Variants in DMD observed in about 807,000 individuals in gnomAD.
DMD encodes the protein dystrophin, also known as mutant dystrophin.
Under a neutral mutation model 330.1 loss-of-function variants are expected in DMD, and 63 were observed. The ratio of observed to expected loss-of-function variants is 0.19; its 90% confidence interval spans 0.16 to 0.24. DMD has a LOEUF of 0.24. DMD is among the 10% of genes least tolerant of loss of function. The pLI, the probability that DMD is intolerant of heterozygous loss-of-function variation, is 1.00. For missense variants in DMD, 3,344 were observed against 2,684.1 expected, an observed-to-expected ratio of 1.25 and a Z score of -5.43; for synonymous variants, 1,223 against 959.8, an observed-to-expected ratio of 1.27 and a Z score of -5.07.
rs376995618 is a variant in DMD at position 31,676,465 on chromosome X, T to C, written c.7872+2910A>G. Among the ~76,000 whole-genome samples, 4 of 112,542 alleles carry C rather than the reference T, an allele frequency of 3.6e-5. No homozygotes were observed. The East Asian group carries it at 1.1e-3, about 31-fold the overall frequency. ...TCAAAGAATATAATATGAAATTTTTTTTCGCAGTATACTATTTCATTGCTT... is the reference window on the plus strand; with the variant it reads ...TCAAAGAATATAATATGAAATTTTTCTTCGCAGTATACTATTTCATTGCTT... On this transcript the variant is annotated intron_variant, in intron 53 of 78. Coordinates refer to ENST00000357033, the MANE Select transcript of DMD (RefSeq NM_004006.3).
At chrX:31,167,400 CA>C (rs2039530339) in intron 74 of DMD, among the ~76,000 whole-genome samples, 1 of 111,960 alleles carries the variant, frequency 8.9e-6, no homozygotes, top group Non-Finnish European at 1.9e-5. Context: ...TCTTTACAAA[CA>C]TTCTTTGACC....
chrX:32,427,279 G>C (rs113936862), intron 29 of DMD, among the ~76,000 whole-genome samples: 10,658 of 110,924 alleles, frequency 0.096, 477 homozygotes, highest in Non-Finnish European at 0.13. Context: ...GATAGGAGCT[G>C]TCATCTGAGT....
rs2098395805 is a variant in DMD, at chrX:32,464,812, T to G, written c.3163-113A>C. On this transcript the variant is annotated intron_variant, in intron 23 of 78. Transcript: ENST00000357033. ...AAAAACAATTCCCATGTTTAAAGGATGTCTCTAAGTAGTTCTTGAGGCAAA... is the reference window on the plus strand; with the variant it reads ...AAAAACAATTCCCATGTTTAAAGGAGGTCTCTAAGTAGTTCTTGAGGCAAA... 10 of 564,708 alleles carry G rather than the reference T, an allele frequency of 1.8e-5. No homozygotes were observed. In the Admixed American group the frequency reaches 2.3e-4, roughly 13 times the overall value. 46.5% of individuals were successfully genotyped at this position (564,708 alleles called of 1,213,427 possible).
intron 41 of DMD, among the ~76,000 whole-genome samples, chrX:32,331,923 GA>G (rs1236433703): frequency 9.0e-6 from 1 of 111,336 alleles, no homozygotes; most frequent in African/African-American, 3.3e-5. Flanking sequence ...GAGATATTCG[GA>G]AAACACAAAA....
intron 9 of DMD, among the ~76,000 whole-genome samples, chrX:32,660,035 A>G (rs1029183704): frequency 2.7e-5 from 3 of 111,009 alleles, no homozygotes; most frequent in Non-Finnish European, 3.8e-5. Context: ...AAGTTCTTCA[A>G]TTTTATCATT....
chrX:32,634,644 G>A lies in DMD; in HGVS notation c.1331+9488C>T, dbSNP rs1314913403. Among the ~76,000 whole-genome samples, 3 of 111,773 alleles carry A rather than the reference G, an allele frequency of 2.7e-5. No individual in the cohort carries two copies. In the East Asian group the frequency reaches 8.5e-4, roughly 32 times the overall value. ...TCAGAAATGTTATCTGTGAGCTAGG[G>A]CCTGGAATGGGGACCTCAAGACTCT... On this transcript the variant is annotated intron_variant, in intron 11 of 78. Transcript: ENST00000357033.
intron 45 of DMD, among the ~76,000 whole-genome samples, chrX:31,956,860 C>A (rs1212286733): frequency 8.9e-6 from 1 of 112,192 alleles, no homozygotes; most frequent in East Asian, 2.8e-4. Flanking sequence ...ATCTGAATGC[C>A]CTGATTATGT....
intron 4 of DMD, among the ~76,000 whole-genome samples, chrX:32,842,251 C>T (rs1237597238): frequency 8.9e-6 from 1 of 112,400 alleles, no homozygotes; most frequent in East Asian, 2.8e-4. Flanking sequence ...CTGATTATGT[C>T]TAGCCTTGTG....
At chrX:31,696,933 T>C (rs754161688) in intron 52 of DMD, among the ~76,000 whole-genome samples, 11 of 112,277 alleles carry the variant, frequency 9.8e-5, no homozygotes, top group South Asian at 3.7e-4. Context: ...AGCAGTACAA[T>C]TGATTGTTAT....
intron 11 of DMD, among the ~76,000 whole-genome samples, chrX:32,631,883 T>C (rs760065035): frequency 8.1e-5 from 9 of 111,046 alleles, no homozygotes; most frequent in Non-Finnish European, 1.3e-4. Context: ...AGAACATACA[T>C]CCAAACCATA....
In DMD at chrX:32,519,810, T is replaced by C. The variant is rs185869885; in HGVS notation, c.2169-1679A>G. Among the ~76,000 whole-genome samples, 629 of 112,349 alleles carry C rather than the reference T, an allele frequency of 5.6e-3. 5 individuals carry two copies. The highest frequency in any genetic ancestry group is 0.02 in the African/African-American group (606 of 30,935). On this transcript the variant is annotated intron_variant, in intron 17 of 78. Coordinates refer to ENST00000357033, the MANE Select transcript of DMD (RefSeq NM_004006.3). ...AGAATTTCTCACATTTGTTGCAGGC[T>C]ATTGTTTAAAAATTAAACAGATACA...
intron 15 of DMD, among the ~76,000 whole-genome samples, chrX:32,569,335 C>A (rs1451854754): frequency 8.9e-6 from 1 of 111,868 alleles, no homozygotes; most frequent in African/African-American, 3.3e-5. Flanking sequence ...TTGAGTTTTC[C>A]ACCTATATTA....
chrX:31,633,549 G>C (rs1034979118), intron 54 of DMD, among the ~76,000 whole-genome samples: 1 of 111,803 alleles, frequency 8.9e-6, no homozygotes, highest in Non-Finnish European at 1.9e-5. Flanking sequence ...GGTACAGATA[G>C]GTAAACATTT....
chrX:32,394,297 G>A (rs1176651993), intron 30 of DMD, among the ~76,000 whole-genome samples: 9 of 111,726 alleles, frequency 8.1e-5, no homozygotes, highest in African/African-American at 2.0e-4. Flanking sequence ...CCTACATGGT[G>A]CTCTCAGAGT....
intron 68 of DMD, among the ~76,000 whole-genome samples, chrX:31,182,296 A>T (rs1016544547): frequency 8.0e-5 from 9 of 112,330 alleles, no homozygotes; most frequent in African/African-American, 2.9e-4. Context: ...TGAATGAGAG[A>T]CTGAGCTACT....
intron 30 of DMD, among the ~76,000 whole-genome samples, chrX:32,391,698 T>A (rs981860866): frequency 8.9e-6 from 1 of 111,871 alleles, no homozygotes; most frequent in Non-Finnish European, 1.9e-5. Flanking sequence ...TAGGGATCCA[T>A]CTAGGTGCAT....
At chrX:32,675,335 A>T (rs2061897394) in intron 9 of DMD, among the ~76,000 whole-genome samples, 1 of 111,363 alleles carries the variant, frequency 9.0e-6, no homozygotes, top group South Asian at 3.7e-4. Context: ...AAGAGATGGT[A>T]ATATCATCTG....
At chrX:32,587,851 T>A (rs808557) in intron 13 of DMD, among the ~76,000 whole-genome samples, 24,185 of 111,061 alleles carry the variant, frequency 0.22, 2,035 homozygotes, top group East Asian at 0.46. Flanking sequence ...CAGTGATTTT[T>A]AAATGCTTTA....
chrX:32,298,345 A>G (rs1481026833), intron 42 of DMD, among the ~76,000 whole-genome samples: 1 of 110,754 alleles, frequency 9.0e-6, no homozygotes, highest in African/African-American at 3.3e-5. Flanking sequence ...GTGTGTTGGT[A>G]GAGAAAGGCC....
Sources: allele counts gnomAD v4.1 joint callset (sites outside exome capture counted in the v4.1 genomes callset), GRCh38; gene constraint gnomAD v4.1.1; transcripts MANE v1.5; gene names NCBI Gene and HGNC (gene_info 2026-07-23, HGNC 2026-07-21).